The following HERC2 variants were observed in gnomAD, a reference collection of about 807,000 sequenced individuals.
The protein encoded by HERC2 is E3 ubiquitin-protein ligase HERC2.
HERC2 carries 102 observed loss-of-function variants against 537.7 expected under a neutral mutation model. The ratio of observed to expected loss-of-function variants is 0.19; its 90% CI spans 0.16 to 0.22. HERC2 has a LOEUF of 0.22. Ranked by LOEUF, HERC2 falls within the 10% of genes least tolerant of loss-of-function variation. The pLI, the probability that HERC2 is intolerant of heterozygous loss-of-function variation, is 1.00. For missense variants in HERC2, 4,236 were observed against 6,198.2 expected, an observed-to-expected ratio of 0.68 and a Z score of 10.63; for synonymous variants, 2,224 against 2,466.2, an observed-to-expected ratio of 0.90 and a Z score of 2.91.
chr15:28,244,770 A>G (rs75046782), intron 23 of HERC2, among the ~76,000 whole-genome samples: 3,175 of 152,212 alleles, frequency 0.021, 101 homozygotes, highest in African/African-American at 0.072. Flanking sequence ...ACCATGTTCA[A>G]TGTCCTGGGG....
chr15:28,272,971 T>C lies in HERC2; in HGVS notation c.834A>G (p.Pro278=), dbSNP rs748360762. 61 of 1,612,544 alleles carry C rather than the reference T, an allele frequency of 3.8e-5. No individual in the cohort carries two copies. Among genetic ancestry groups the C allele is most frequent in the Non-Finnish European group, 5.0e-5 (59 of 1,180,012 alleles). The change falls in exon 8 of 93, where the codon CCA becomes CCG. Residue 278 remains proline, a synonymous_variant. Coordinates refer to ENST00000261609, the MANE Select transcript of HERC2 (RefSeq NM_004667.6). ...GCTGGTCCTGCAGGGGGATGCTTCC[T>C]GGCCCTTTGGTGGCTGGCGTTCCGT... ...DVHGTPATKG[P]GSIPLQDQHL...
chr15:28,312,215 T>TA (rs1324269935), intron 2 of HERC2, among the ~76,000 whole-genome samples: 17 of 152,392 alleles, frequency 1.1e-4, no homozygotes, highest in African/African-American at 4.1e-4. Context: ...TCCAGAGAGT[T>TA]AGACTGTGAA....
intron 12 of HERC2, among the ~76,000 whole-genome samples, chr15:28,267,328 T>C (rs907369983): frequency 6.6e-6 from 1 of 152,216 alleles, no homozygotes; most frequent in Non-Finnish European, 1.5e-5. Flanking sequence ...CTTCCTTCCT[T>C]GAAGTCCTAG....
At chr15:28,115,252 TA>T in intron 89 of HERC2, 176 bp downstream of exon 89, 1 of 529,506 alleles carries the variant, frequency 1.9e-6, no homozygotes. Context: ...CACCAGAAAA[TA>T]GATGGTCTAT....
intron 4 of HERC2, among the ~76,000 whole-genome samples, chr15:28,282,394 G>A (rs2076042078): frequency 6.6e-6 from 1 of 151,992 alleles, no homozygotes; most frequent in Admixed American, 6.6e-5. Flanking sequence ...AATTAAAAAC[G>A]GTCACGATAA....
intron 44 of HERC2, among the ~76,000 whole-genome samples, chr15:28,207,883 G>C (rs574850283): frequency 2.4e-4 from 37 of 152,000 alleles, no homozygotes; most frequent in Middle Eastern, 3.4e-3. Flanking sequence ...CAGAGACGAT[G>C]TGTAAACAAG....
intron 2 of HERC2, 108 bp downstream of exon 2, chr15:28,321,254 A>G (rs2077221094): frequency 1.6e-6 from 1 of 634,904 alleles, no homozygotes; most frequent in Non-Finnish European, 2.8e-6. Context: ...CCTCTAATTC[A>G]GCAAGATACA....
In HERC2 at chr15:28,111,657, G is replaced by T; in HGVS notation, c.*106C>A. 1 of 1,254,500 alleles carries T rather than the reference G, an allele frequency of 8.0e-7. No homozygotes were observed. The highest frequency in any genetic ancestry group is 1.1e-6 in the Non-Finnish European group (1 of 891,782). 77.7% of individuals were successfully genotyped at this position (1,254,500 alleles called of 1,614,324 possible). On this transcript the variant is annotated 3_prime_UTR_variant, in exon 93 of 93. Transcript: ENST00000261609. Reference sequence around the variant, plus strand: ...CACTCCCTCCTCCCGCCTGGCTCGAGGACGGACGCTTCTCATCAGACACAC... The same window carrying T: ...CACTCCCTCCTCCCGCCTGGCTCGATGACGGACGCTTCTCATCAGACACAC...
intron 43 of HERC2, 91 bp downstream of exon 43, chr15:28,212,354 T>C (rs1899343058): frequency 7.7e-6 from 6 of 778,438 alleles, no homozygotes; most frequent in Non-Finnish European, 1.3e-5. Context: ...AGGACTTTAG[T>C]ACGTCCGTGA....
chr15:28,320,929 A>C (rs2077212277), intron 2 of HERC2, among the ~76,000 whole-genome samples: 2 of 152,142 alleles, frequency 1.3e-5, no homozygotes, highest in South Asian at 4.2e-4. Flanking sequence ...TCTCTCCAGA[A>C]ACACAAACAC....
chr15:28,114,646 G>A lies in HERC2; in HGVS notation c.13879C>T (p.Arg4627Cys), dbSNP rs748944643. 9.9e-6 allele frequency: 16 copies of A among 1,614,000 alleles called. No individual in the cohort carries two copies. The Middle Eastern group carries it at 5.0e-4, about 50-fold the overall frequency. ...SKHTHITLDN[R>C]AEYVRLAINY... ...ATCGCCAGCCGCACGTACTCCGCGC[G>A]GTTGTCCAGGGTGATGTGTGTGTGC... Residue 4627 changes from arginine (R) to cysteine (C), a missense_variant, in exon 90 of 93, where the codon CGC becomes TGC. Arg to Cys is a radical substitution (Grantham distance 180). Around this residue, in one of 27 missense-constraint regions of HERC2, gnomAD observed 313 missense variants for 462.6 expected, o/e 0.68. Transcript: ENST00000261609.
Position 28,144,174 on chromosome 15 carries a change from C to T in HERC2, c.11202G>A (p.Thr3734=), listed in dbSNP as rs139346881. ...GGTTGAGTCGGAAGTCTAACAGACACGTCACCAAGTCCATGGATGGACAGG... is the reference window on the plus strand; with the variant it reads ...GGTTGAGTCGGAAGTCTAACAGACATGTCACCAAGTCCATGGATGGACAGG... ...VLSCPSMDLV[T]CLLDFRLNLA... Residue 3734 remains threonine (T), a synonymous_variant, in exon 73 of 93, where the codon ACG becomes ACA. Coordinates refer to ENST00000261609, the MANE Select transcript of HERC2 (RefSeq NM_004667.6). 6.2e-5 allele frequency: 100 copies of T among 1,614,218 alleles called. 2 individuals carry two copies. In the African/African-American group the frequency reaches 1.1e-3, roughly 18 times the overall value.
chr15:28,141,127 A>C (rs1891182126), intron 78 of HERC2, among the ~76,000 whole-genome samples: 1 of 151,690 alleles, frequency 6.6e-6, no homozygotes, highest in Non-Finnish European at 1.5e-5. Flanking sequence ...AATCCCAGCT[A>C]CTTGGGAGGT....
chr15:28,273,624 G>A (rs527838569), intron 7 of HERC2, among the ~76,000 whole-genome samples: 2 of 152,290 alleles, frequency 1.3e-5, no homozygotes, highest in South Asian at 4.1e-4. Context: ...TTCACCAGCC[G>A]GCTCAGGAAG....
At chr15:28,156,027 C>CAA (rs1892973533) in intron 69 of HERC2, among the ~76,000 whole-genome samples, 1 of 152,178 alleles carries the variant, frequency 6.6e-6, no homozygotes, top group Non-Finnish European at 1.5e-5. Flanking sequence ...GGAATCCTTT[C>CAA]CCCATTTCTC....
chr15:28,135,395 A>T, intron 79 of HERC2, 83 bp downstream of exon 79: 10 of 1,070,178 alleles, frequency 9.3e-6, no homozygotes, highest in Non-Finnish European at 1.4e-5. Flanking sequence ...CTTGAAAAAC[A>T]AAGCGCCAAT....
intron 84 of HERC2, 142 bp from the exon 85 acceptor site, chr15:28,124,376 C>T (rs1455897725): frequency 2.1e-6 from 1 of 472,596 alleles, no homozygotes; most frequent in Non-Finnish European, 3.6e-6. Context: ...CACAACCTCA[C>T]TGTGCTGCTT....
intron 2 of HERC2, among the ~76,000 whole-genome samples, chr15:28,299,930 G>A (rs1177923229): frequency 2.6e-5 from 4 of 151,802 alleles, no homozygotes; most frequent in Non-Finnish European, 4.4e-5. Flanking sequence ...GCGGGCGCCT[G>A]TAATCCCAGC....
In HERC2 at chr15:28,143,699, G is replaced by T. The variant is rs147458915; in HGVS notation, c.11418+174C>A. Among the ~76,000 whole-genome samples, 493 of 152,176 alleles carry T rather than the reference G, an allele frequency of 3.2e-3. 1 individual carries two copies. The highest frequency in any genetic ancestry group is 0.01 in the Middle Eastern group (3 of 294). On this transcript the variant is annotated intron_variant, in intron 74 of 92. Transcript: ENST00000261609. The stretch of plus-strand genomic sequence containing the variant: ...CTGACCTCGTGATCCGCCCACCTCA[G>T]CCTCCCAAAGTGGTGGCATTACACG...
Sources: allele counts gnomAD v4.1 joint callset (sites outside exome capture counted in the v4.1 genomes callset), GRCh38; gene constraint gnomAD v4.1.1; regional missense constraint gnomAD v4.1.1; transcripts MANE v1.5; gene names NCBI Gene and HGNC (gene_info 2026-07-23, HGNC 2026-07-21).